SDK1: variants seen among roughly 807,000 people sequenced by gnomAD.
SDK1 encodes the protein sidekick cell adhesion molecule 1.
In SDK1, 157 loss-of-function variants were observed where a neutral mutation model predicts 245.5. That is an observed-to-expected ratio of 0.64 (90% confidence interval 0.56 to 0.73). The LOEUF is 0.73. SDK1 is among the 30% of genes least tolerant of loss of function. SDK1 has a pLI of 0.00. For missense variants in SDK1, 3,583 were observed against 3,002.3 expected, an observed-to-expected ratio of 1.19 and a Z score of -4.52; for synonymous variants, 1,647 against 1,278.5, an observed-to-expected ratio of 1.29 and a Z score of -6.15.
intron 17 of SDK1, among the ~76,000 whole-genome samples, chr7:4,042,369 C>T (rs1397594546): frequency 1.5e-5 from 2 of 136,678 alleles, no homozygotes. Flanking sequence ...TCTGGTTTCT[C>T]CTTTCACCTG....
chr7:4,143,643 G>A (rs1260354879), intron 28 of SDK1, among the ~76,000 whole-genome samples: 1 of 152,194 alleles, frequency 6.6e-6, no homozygotes, highest in Non-Finnish European at 1.5e-5. Flanking sequence ...TATTGGAGAG[G>A]ATGCTTCTGC....
chr7:4,202,294 TAACA>T (rs959017007), intron 35 of SDK1, among the ~76,000 whole-genome samples: 3 of 152,328 alleles, frequency 2.0e-5, no homozygotes, highest in Non-Finnish European at 2.9e-5. Context: ...TAGGCTGGGA[TAACA>T]AACAACCTCC....
chr7:3,792,742 AACT>A (rs1778843716), intron 4 of SDK1, among the ~76,000 whole-genome samples: 1 of 151,608 alleles, frequency 6.6e-6, no homozygotes, highest in African/African-American at 2.4e-5. Context: ...CCATCCGTCC[AACT>A]ACTACCCCCT....
At chr7:4,095,611 C>T (rs906722788) in intron 22 of SDK1, among the ~76,000 whole-genome samples, 1 of 152,064 alleles carries the variant, frequency 6.6e-6, no homozygotes, top group Non-Finnish European at 1.5e-5. Flanking sequence ...CTCGCTCTGT[C>T]TCACAGGCTG....
chr7:4,239,477 A>C (rs1169633560), intron 42 of SDK1, among the ~76,000 whole-genome samples: 1 of 152,192 alleles, frequency 6.6e-6, no homozygotes, highest in Admixed American at 6.5e-5. Context: ...CATAATTATC[A>C]ATGAGACCAC....
At chr7:4,002,413 A>G (rs1489164412) in intron 14 of SDK1, among the ~76,000 whole-genome samples, 3 of 152,188 alleles carry the variant, frequency 2.0e-5, no homozygotes, top group African/African-American at 7.2e-5. Flanking sequence ...TAGAGGAGGA[A>G]ATGTCATTCC....
chr7:3,972,752 C>T (rs887030377), intron 12 of SDK1, among the ~76,000 whole-genome samples: 27 of 152,184 alleles, frequency 1.8e-4, no homozygotes, highest in South Asian at 6.2e-4. Context: ...GCTGTTCTCT[C>T]GCGCTTCTTG....
intron 1 of SDK1, among the ~76,000 whole-genome samples, chr7:3,354,147 C>T (rs6964818): frequency 0.1 from 15,649 of 151,834 alleles, 1,021 homozygotes; most frequent in African/African-American, 0.18. Context: ...TGCAGGCACC[C>T]GCCACCACAC....
chr7:4,034,160 A>G (rs1351453201), intron 17 of SDK1, among the ~76,000 whole-genome samples: 1 of 152,360 alleles, frequency 6.6e-6, no homozygotes, highest in South Asian at 2.1e-4. Context: ...GACTCAAACT[A>G]GGAACATATT....
chr7:3,962,029 G>GCA (rs1300104489), intron 8 of SDK1, among the ~76,000 whole-genome samples: 3 of 151,858 alleles, frequency 2.0e-5, no homozygotes, highest in African/African-American at 4.8e-5. Context: ...GTAGACACAT[G>GCA]CACATATATA....
intron 1 of SDK1, among the ~76,000 whole-genome samples, chr7:3,468,320 A>G (rs993947621): frequency 2.0e-5 from 3 of 152,182 alleles, no homozygotes; most frequent in African/African-American, 7.2e-5. Context: ...GTTGGGACTC[A>G]GAAAATATCC....
At chr7:3,573,578 C>A (rs1308238738) in intron 1 of SDK1, among the ~76,000 whole-genome samples, 1 of 152,012 alleles carries the variant, frequency 6.6e-6, no homozygotes, top group Admixed American at 6.5e-5. Flanking sequence ...TCAGTCACAC[C>A]CAGCACCTGC....
intron 35 of SDK1, among the ~76,000 whole-genome samples, chr7:4,183,640 CAA>C (rs548155248): frequency 2.9e-4 from 21 of 73,106 alleles, no homozygotes; most frequent in Admixed American, 4.9e-4. Context: ...GACTCCGTCT[CAA>C]AAAAAAAAAA....
rs147095244 is a variant in SDK1, at chr7:3,424,521, T to C, written c.298+122637T>C. On this transcript the variant is annotated intron_variant, in intron 1 of 44. Transcript: ENST00000404826. ...AAGAAAAATGAGAAATTTGAAGATA[T>C]GTCTCTTATGAATCTTGCTGCATCA... 2.9e-4 allele frequency among the ~76,000 whole-genome samples: 44 copies of C among 152,310 alleles called. 1 individual carries two copies. In the South Asian group the frequency reaches 6.6e-3, roughly 23 times the overall value.
intron 4 of SDK1, among the ~76,000 whole-genome samples, chr7:3,734,118 T>A (rs867833574): frequency 2.0e-5 from 3 of 152,220 alleles, no homozygotes; most frequent in Non-Finnish European, 1.5e-5. Context: ...ACATCTCATC[T>A]TCTTCATGGC....
At position 3,943,600 on chromosome 7, in the gene SDK1, C is replaced by T. The variant is rs1044744629; in HGVS notation, c.848-7323C>T. 1.3e-4 allele frequency among the ~76,000 whole-genome samples: 19 copies of T among 151,146 alleles called. 1 individual carries two copies. Among genetic ancestry groups the T allele is most frequent in the Non-Finnish European group, 2.9e-5 (2 of 67,922 alleles). On this transcript the variant is annotated intron_variant, in intron 5 of 44. Coordinates refer to ENST00000404826, the MANE Select transcript of SDK1 (RefSeq NM_152744.4). The stretch of plus-strand genomic sequence containing the variant: ...CCTGACCAGCTCTTGCTCATTCGAC[C>T]GCTCCCCAACCCGGCGCACGGTGCG...
At chr7:3,932,916 G>A (rs763393296) in intron 5 of SDK1, among the ~76,000 whole-genome samples, 1 of 152,060 alleles carries the variant, frequency 6.6e-6, no homozygotes, top group Non-Finnish European at 1.5e-5. Context: ...CGATTGTGCT[G>A]AGCCTGATTA....
At chr7:3,787,806 G>A (rs1780952854) in intron 4 of SDK1, among the ~76,000 whole-genome samples, 1 of 152,134 alleles carries the variant, frequency 6.6e-6, no homozygotes, top group African/African-American at 2.4e-5. Flanking sequence ...CACCTGTTCT[G>A]TAGCTTTGTG....
intron 4 of SDK1, among the ~76,000 whole-genome samples, chr7:3,734,943 T>G (rs1325937093): frequency 6.6e-6 from 1 of 152,204 alleles, no homozygotes; most frequent in Non-Finnish European, 1.5e-5. Flanking sequence ...TTGAGTGCCC[T>G]GTGTCCTTCA....
Sources: gnomAD v4.1 joint callset for allele counts (sites outside exome capture counted in the v4.1 genomes callset) on GRCh38, gnomAD v4.1.1 for gene constraint, MANE v1.5 for transcripts, NCBI Gene and HGNC (gene_info 2026-07-23, HGNC 2026-07-21) for gene names.